The following GPR63 variants were observed in gnomAD, a reference collection of about 807,000 sequenced individuals.
GPR63 encodes G protein-coupled receptor 63, also known as probable G protein-coupled receptor 63.
GPR63 carries 12 observed loss-of-function variants against 23.1 expected under a neutral mutation model. The ratio of observed to expected loss-of-function variants is 0.52; its 90% CI spans 0.33 to 0.84. The LOEUF is 0.84. Ranked by LOEUF, GPR63 falls within the 40% of genes least tolerant of loss-of-function variation. The pLI, the probability that GPR63 is intolerant of heterozygous loss-of-function variation, is 0.02. For missense variants in GPR63, 472 were observed against 515.6 expected (o/e 0.92, Z 0.82); for synonymous variants, 172 against 191.1 (o/e 0.90, Z 0.82).
At chr6:96,825,596 C>G (rs1460035900) in intron 1 of GPR63, among the ~76,000 whole-genome samples, 1 of 151,888 alleles carries the variant, frequency 6.6e-6, no homozygotes, top group Non-Finnish European at 1.5e-5. Context: ...ATGTATGCTT[C>G]AAAGATTATT....
chr6:96,832,708 T>C (rs1479890152), intron 1 of GPR63, among the ~76,000 whole-genome samples: 1 of 151,968 alleles, frequency 6.6e-6, no homozygotes, highest in Non-Finnish European at 1.5e-5. Context: ...ATTTGGGTGA[T>C]GAAATAATCT....
At position 96,801,479 on chromosome 6, in the gene GPR63, G is replaced by A. The variant is rs112937327; in HGVS notation, c.-150-1598C>T. 6.9e-3 allele frequency among the ~76,000 whole-genome samples: 1,052 copies of A among 152,262 alleles called. 16 individuals carry two copies. Among genetic ancestry groups the A allele is most frequent in the South Asian group, 0.035 (167 of 4,832 alleles). On this transcript the variant is annotated intron_variant, in intron 1 of 1. Transcript: ENST00000229955. ...TTCCCAAAGTGTTGGGATTACAGGC[G>A]TGAGCCACTGCACCCAGCCTAGTCA...
chr6:96,798,546 G>T lies in GPR63; in HGVS notation c.1186C>A (p.Leu396Ile). The T allele has an allele frequency of 6.2e-7, 1 of 1,614,228 alleles. No individual in the cohort carries two copies. The highest frequency in any genetic ancestry group is 8.5e-7 in the Non-Finnish European group (1 of 1,180,044). Residue 396 changes from leucine to isoleucine, a missense_variant, in exon 2 of 2, where the codon CTC becomes ATC. Leu to Ile is a conservative substitution (Grantham distance 5). Transcript: ENST00000229955. The stretch of plus-strand genomic sequence containing the variant: ...ATCCGTCGCTTTGTGTGACCAGGGA[G>T]CTGCGGCAAAAACTTGAAGGACTTA... The part of the protein sequence containing the change: ...MPKSFKFLPQ[L>I]PGHTKRRIRP...
chr6:96,810,030 C>T (rs936027585), intron 1 of GPR63, among the ~76,000 whole-genome samples: 1 of 152,036 alleles, frequency 6.6e-6, no homozygotes, highest in African/African-American at 2.4e-5. Flanking sequence ...TGAACTGGTA[C>T]AGCATTTTGG....
chr6:96,830,340 T>C (rs1774548587), intron 1 of GPR63, among the ~76,000 whole-genome samples: 1 of 152,158 alleles, frequency 6.6e-6, no homozygotes, highest in South Asian at 2.1e-4. Flanking sequence ...CTATAAACAG[T>C]GAACATCCAC....
At chr6:96,821,111 A>C (rs1425707788) in intron 1 of GPR63, among the ~76,000 whole-genome samples, 1 of 152,192 alleles carries the variant, frequency 6.6e-6, no homozygotes, top group East Asian at 1.9e-4. Flanking sequence ...CAGGTTACTG[A>C]ACCTCAGGTT....
Position 96,808,000 on chromosome 6 carries a change from A to G in GPR63, c.-150-8119T>C, listed in dbSNP as rs151245086. The stretch of plus-strand genomic sequence containing the variant: ...AAACCCAGGAAGTGTGTTCTTAGCC[A>G]CTACGCTATGCTGTAAAACAGAGAA... On this transcript the variant is annotated intron_variant, in intron 1 of 1. Coordinates refer to ENST00000229955, the MANE Select transcript of GPR63 (RefSeq NM_030784.4). Among the ~76,000 whole-genome samples the G allele has an allele frequency of 2.8e-3, 432 of 152,348 alleles. 1 individual carries two copies. Among genetic ancestry groups the G allele is most frequent in the African/African-American group, 9.9e-3 (410 of 41,580 alleles).
At chr6:96,820,787 T>C (rs376253191) in intron 1 of GPR63, among the ~76,000 whole-genome samples, 13 of 152,176 alleles carry the variant, frequency 8.5e-5, no homozygotes, top group African/African-American at 2.9e-4. Context: ...CATATGCCTA[T>C]CTTCACAATT....
intron 1 of GPR63, among the ~76,000 whole-genome samples, 151 bp downstream of exon 1, chr6:96,837,117 C>A (rs1774751724): frequency 6.6e-6 from 1 of 152,188 alleles, no homozygotes; most frequent in African/African-American, 2.4e-5. Context: ...TTCTCCGGCA[C>A]AACTTCGGTC....
At chr6:96,802,083 T>A (rs1773780364) in intron 1 of GPR63, among the ~76,000 whole-genome samples, 1 of 152,180 alleles carries the variant, frequency 6.6e-6, no homozygotes, top group African/African-American at 2.4e-5. Flanking sequence ...CAGCTAAAAT[T>A]GTGTTTGACA....
In GPR63 at chr6:96,799,694, C is replaced by T; in HGVS notation, c.38G>A (p.Gly13Glu). The T allele has an allele frequency of 6.2e-7, 1 of 1,614,050 alleles. No homozygotes were observed. Among genetic ancestry groups the T allele is most frequent in the Non-Finnish European group, 8.5e-7 (1 of 1,180,016 alleles). ...CACGACAAATGTTGTGTTGGATGTC[C>T]CGGTATGGAACGCAGTCAACACTGC... Reference protein sequence around the residue: ...FSAVLTAFHTGTSNTTFVVYE... With the variant: ...FSAVLTAFHTETSNTTFVVYE... Residue 13 changes from glycine (G) to glutamate (E), a missense_variant, in exon 2 of 2, where the codon GGG (glycine) becomes GAG (glutamate). Physicochemically the swap from Gly to Glu is moderately conservative, Grantham distance 98 (BLOSUM62 -2). Transcript: ENST00000229955.
intron 1 of GPR63, among the ~76,000 whole-genome samples, chr6:96,807,394 T>A (rs1188797031): frequency 6.6e-6 from 1 of 152,232 alleles, no homozygotes; most frequent in African/African-American, 2.4e-5. Context: ...GAAAATGACA[T>A]AATCTCCTGG....
intron 1 of GPR63, among the ~76,000 whole-genome samples, chr6:96,832,164 T>C (rs1313458945): frequency 6.6e-6 from 1 of 152,098 alleles, no homozygotes; most frequent in Non-Finnish European, 1.5e-5. Flanking sequence ...TTTTTCTATA[T>C]GTATATAAAA....
intron 1 of GPR63, among the ~76,000 whole-genome samples, chr6:96,823,197 A>C (rs1774354883): frequency 6.6e-6 from 1 of 152,166 alleles, no homozygotes; most frequent in Non-Finnish European, 1.5e-5. Flanking sequence ...ACTACTTATT[A>C]AGATTTCTAA....
At chr6:96,821,794 C>CA (rs1449455809) in intron 1 of GPR63, among the ~76,000 whole-genome samples, 1 of 151,914 alleles carries the variant, frequency 6.6e-6, no homozygotes, top group Non-Finnish European at 1.5e-5. Flanking sequence ...ATATATATAC[C>CA]ACGGTCTCCT....
chr6:96,802,058 T>C (rs1329169480), intron 1 of GPR63, among the ~76,000 whole-genome samples: 1 of 152,200 alleles, frequency 6.6e-6, no homozygotes, highest in East Asian at 1.9e-4. Flanking sequence ...AATGTGTATC[T>C]TAAGCCTAAT....
Position 96,831,910 on chromosome 6 carries a change from A to T in GPR63, c.-151+5358T>A, listed in dbSNP as rs922658621. Among the ~76,000 whole-genome samples, 3 of 152,094 alleles carry T rather than the reference A, an allele frequency of 2.0e-5. 1 individual carries two copies. The highest frequency in any genetic ancestry group is 2.0e-4 in the Admixed American group (3 of 15,296). On this transcript the variant is annotated intron_variant, in intron 1 of 1. Coordinates refer to ENST00000229955, the MANE Select transcript of GPR63 (RefSeq NM_030784.4). ...AACACGGTGAGACTCTGTCACAAAAAAAAAATAAAAAATAAATAAATAAAA... is the reference window on the plus strand; with the variant it reads ...AACACGGTGAGACTCTGTCACAAAATAAAAATAAAAAATAAATAAATAAAA...
chr6:96,810,399 G>A (rs1209840102), intron 1 of GPR63, among the ~76,000 whole-genome samples: 7 of 151,738 alleles, frequency 4.6e-5, no homozygotes, highest in Non-Finnish European at 8.8e-5. Flanking sequence ...AGTAGCTGAG[G>A]CACAAGAATC....
intron 1 of GPR63, among the ~76,000 whole-genome samples, chr6:96,806,809 G>A (rs1365385623): frequency 6.6e-6 from 1 of 152,292 alleles, no homozygotes; most frequent in African/African-American, 2.4e-5. Flanking sequence ...TTGCTGTAAT[G>A]ACCCTCTCTT....
Sources: gnomAD v4.1 joint callset for allele counts (sites outside exome capture counted in the v4.1 genomes callset) on GRCh38, gnomAD v4.1.1 for gene constraint, MANE v1.5 for transcripts, NCBI Gene and HGNC (gene_info 2026-07-23, HGNC 2026-07-21) for gene names.